The following CEP350 variants were observed in gnomAD, a reference collection of about 807,000 sequenced individuals.
CEP350 encodes the protein centrosome-associated protein 350.
In CEP350, 126 loss-of-function variants were observed where a neutral mutation model predicts 331.8. That is an observed-to-expected ratio of 0.38 (90% CI 0.33 to 0.44). The LOEUF (loss-of-function observed/expected upper bound fraction) is 0.44, where lower values mean the gene tolerates loss of function less well. Ranked by LOEUF, CEP350 falls within the 20% of genes least tolerant of loss-of-function variation. The pLI is 1.00. For missense variants in CEP350, 3,406 were observed against 3,634.6 expected (o/e 0.94, Z 1.62); for synonymous variants, 1,200 against 1,259.5 (o/e 0.95, Z 1.00).
chr1:179,991,537 C>T (rs1015525315), intron 4 of CEP350, among the ~76,000 whole-genome samples: 1 of 151,514 alleles, frequency 6.6e-6, no homozygotes, highest in Non-Finnish European at 1.5e-5. Context: ...ATCCGCCTGC[C>T]TTGGCCTCCC....
chr1:179,996,534 T>C lies in CEP350; in HGVS notation c.396-19T>C. 14 of 1,505,178 alleles carry C rather than the reference T, an allele frequency of 9.3e-6. No individual in the cohort carries two copies. Among genetic ancestry groups the C allele is most frequent in the Non-Finnish European group, 1.2e-5 (13 of 1,114,538 alleles). The allele number at this position is 1,505,178 out of a possible 1,614,324, so 93.2% of individuals were successfully genotyped here. On this transcript the variant is annotated intron_variant, in intron 5 of 37. Transcript: ENST00000367607. Reference sequence around the variant, plus strand: ...ATATTATTAATCATAGTCACAGAGCTTATTATTTTTTATTGTAGGGAAATC... The same window carrying C: ...ATATTATTAATCATAGTCACAGAGCCTATTATTTTTTATTGTAGGGAAATC...
At chr1:180,044,817 T>TA (rs1657013400) in intron 21 of CEP350, among the ~76,000 whole-genome samples, 1 of 149,178 alleles carries the variant, frequency 6.7e-6, no homozygotes, top group East Asian at 2.0e-4. Flanking sequence ...CCCTAAAACT[T>TA]AAAGTATAAT....
chr1:180,093,672 A>G lies in CEP350; in HGVS notation c.7567A>G (p.Lys2523Glu). 1 of 1,613,948 alleles carries G rather than the reference A, an allele frequency of 6.2e-7. No homozygotes were observed. The highest frequency in any genetic ancestry group is 8.5e-7 in the Non-Finnish European group (1 of 1,179,834). Residue 2523 changes from lysine to glutamate, a missense_variant, in exon 34 of 38, where the codon AAA becomes GAA. This residue lies in a region of CEP350 where 1,415 missense variants were observed against 1,512.3 expected (regional missense o/e 0.94). Coordinates refer to ENST00000367607, the MANE Select transcript of CEP350 (RefSeq NM_014810.5). ...LRFKGETSFAKGFWAGVELDK... is the reference protein window; with the variant it reads ...LRFKGETSFAEGFWAGVELDK... ...ATTCAAAGGTGAGACTAGTTTTGCTAAAGGATTTTGGGCCGGAGTGGAGTT... is the reference window on the plus strand; with the variant it reads ...ATTCAAAGGTGAGACTAGTTTTGCTGAAGGATTTTGGGCCGGAGTGGAGTT...
At chr1:179,971,175 C>T (rs1014585709) in intron 1 of CEP350, among the ~76,000 whole-genome samples, 1 of 152,004 alleles carries the variant, frequency 6.6e-6, no homozygotes, top group Admixed American at 6.5e-5. Flanking sequence ...ACTACAGGCA[C>T]ATGCCACCAC....
intron 18 of CEP350, 87 bp downstream of exon 18, chr1:180,041,335 GA>G (rs1656746969): frequency 5.4e-6 from 5 of 926,934 alleles, no homozygotes; most frequent in African/African-American, 1.7e-5. Context: ...TTATATAGGA[GA>G]AAAAAGTGTA....
rs977129635 is a variant in CEP350, at chr1:180,020,325, A to G, written c.2551A>G (p.Ile851Val). ...AGCCAAGAAATTAGCTGGGGCCAGCATTAACTATGGGTCAGCATGGAACAC... is the reference window on the plus strand; with the variant it reads ...AGCCAAGAAATTAGCTGGGGCCAGCGTTAACTATGGGTCAGCATGGAACAC... ...SEAKKLAGAS[I>V]NYGSAWNTEY... Residue 851 changes from isoleucine to valine, a missense_variant, in exon 12 of 38, where the codon ATT (isoleucine) becomes GTT (valine). Coordinates refer to ENST00000367607, the MANE Select transcript of CEP350 (RefSeq NM_014810.5). 2 of 1,613,882 alleles carry G rather than the reference A, an allele frequency of 1.2e-6. No individual in the cohort carries two copies. The highest frequency in any genetic ancestry group is 1.3e-5 in the African/African-American group (1 of 74,944).
intron 7 of CEP350, 32 bp from the exon 8 acceptor site, chr1:180,006,422 T>A: frequency 9.7e-7 from 1 of 1,030,992 alleles, no homozygotes; most frequent in Non-Finnish European, 1.5e-6. Context: ...AAAATCATTG[T>A]TATATTTGCT....
intron 5 of CEP350, among the ~76,000 whole-genome samples, chr1:179,994,423 C>T (rs1393813117): frequency 6.6e-6 from 1 of 150,856 alleles, no homozygotes; most frequent in Non-Finnish European, 1.5e-5. Context: ...ACAGCCCTAT[C>T]TCTTTCTTTT....
intron 14 of CEP350, among the ~76,000 whole-genome samples, chr1:180,029,132 A>G (rs944692944): frequency 6.6e-6 from 1 of 152,228 alleles, no homozygotes; most frequent in African/African-American, 2.4e-5. Flanking sequence ...TAGTTGGTAG[A>G]TTAAAGTGGT....
chr1:180,093,841 A>G lies in CEP350; in HGVS notation c.7736A>G (p.Asp2579Gly), dbSNP rs1219315795. Reference protein sequence around the residue: ...NFDDYVDINEDEDCYSDERYQ... With the variant: ...NFDDYVDINEGEDCYSDERYQ... ...GATGACTATGTAGACATTAATGAAGATGAAGACTGTTACTCAGATGAACGA... is the reference window on the plus strand; with the variant it reads ...GATGACTATGTAGACATTAATGAAGGTGAAGACTGTTACTCAGATGAACGA... The change falls in exon 34 of 38, where the codon GAT becomes GGT. Residue 2579 changes from aspartate to glycine, a missense_variant. Physicochemically the swap from Asp to Gly is moderately conservative, Grantham distance 94. Transcript: ENST00000367607. 1 of 1,613,820 alleles carries G rather than the reference A, an allele frequency of 6.2e-7. No individual in the cohort carries two copies. The highest frequency in any genetic ancestry group is 1.7e-5 in the Admixed American group (1 of 60,002).
At chr1:179,989,543 G>A (rs1465975888) in intron 3 of CEP350, among the ~76,000 whole-genome samples, 1 of 150,634 alleles carries the variant, frequency 6.6e-6, no homozygotes, top group South Asian at 2.1e-4. Context: ...ATGTCTATAT[G>A]TGATGGAATT....
Position 180,094,467 on chromosome 1 carries a change from C to T in CEP350, c.8362C>T (p.Leu2788Phe). ...GAAAATCCAGCTTAGCAATCAGGAGCTTCTTGGTGATGACCAAAAGAAAGT... is the reference window on the plus strand; with the variant it reads ...GAAAATCCAGCTTAGCAATCAGGAGTTTCTTGGTGATGACCAAAAGAAAGT... Reference protein sequence around the residue: ...DEKIQLSNQELLGDDQKKVTP... With the variant: ...DEKIQLSNQEFLGDDQKKVTP... The change falls in exon 34 of 38, where the codon CTT (leucine) becomes TTT (phenylalanine). Residue 2788 changes from leucine to phenylalanine, a missense_variant. Physicochemically the swap from Leu to Phe is conservative, Grantham distance 22. Transcript: ENST00000367607. The T allele has an allele frequency of 6.2e-7, 1 of 1,613,842 alleles. No individual in the cohort carries two copies. The highest frequency in any genetic ancestry group is 8.5e-7 in the Non-Finnish European group (1 of 1,179,808).
chr1:180,111,026 G>A lies in CEP350; in HGVS notation c.9219G>A (p.Gln3073=), dbSNP rs781472522. ...AGGAGCTCCATGAGGAGGAGGCACA[G>A]TGGGTGAACTATGATGAGGATGAGT... The part of the protein sequence containing the change: ...LVQELHEEEA[Q]WVNYDEDELC... The change falls in exon 38 of 38, where the codon CAG becomes CAA. Residue 3073 remains glutamine (Q), a synonymous_variant. Transcript: ENST00000367607. 37 of 1,613,874 alleles carry A rather than the reference G, an allele frequency of 2.3e-5. No individual in the cohort carries two copies. In the East Asian group the frequency reaches 7.8e-4, roughly 34 times the overall value.
chr1:179,990,771 T>C (rs1474360668), intron 4 of CEP350, 150 bp downstream of exon 4: 3 of 454,616 alleles, frequency 6.6e-6, no homozygotes, highest in African/African-American at 5.9e-5. Context: ...TGCCCCAGCT[T>C]GTCTTGAACT....
rs1217866102 is a variant in CEP350 at position 180,096,201 on chromosome 1, A to G, written c.9066+17A>G. On this transcript the variant is annotated intron_variant, in intron 36 of 37. Coordinates refer to ENST00000367607, the MANE Select transcript of CEP350 (RefSeq NM_014810.5). ...GAAATCAAGGTAAACTGCAAACTATAAAGTGTCTTCTTTTTTGACTTGCTG... is the reference window on the plus strand; with the variant it reads ...GAAATCAAGGTAAACTGCAAACTATGAAGTGTCTTCTTTTTTGACTTGCTG... 19 of 1,534,528 alleles carry G rather than the reference A, an allele frequency of 1.2e-5. No individual in the cohort carries two copies. In the Admixed American group the frequency reaches 2.6e-4, roughly 21 times the overall value.
intron 15 of CEP350, among the ~76,000 whole-genome samples, chr1:180,031,933 A>G (rs544652942): frequency 3.9e-5 from 6 of 152,170 alleles, no homozygotes; most frequent in African/African-American, 1.2e-4. Context: ...ATAAATGTCA[A>G]TTCTCATCTA....
In CEP350 at chr1:180,094,841, A is replaced by G. The variant is rs529116019; in HGVS notation, c.8511+225A>G. Among the ~76,000 whole-genome samples the G allele has an allele frequency of 8.5e-4, 130 of 152,260 alleles. 1 individual carries two copies. Among genetic ancestry groups the G allele is most frequent in the African/African-American group, 3.1e-3 (127 of 41,536 alleles). ...TCCTCTATTATGTCATGAGTAGTCA[A>G]TATAGGGTTGTCACAAGCACTGGCA... On this transcript the variant is annotated intron_variant, in intron 34 of 37. Transcript: ENST00000367607.
In CEP350 at chr1:180,111,109, T is replaced by C. The variant is rs776351094; in HGVS notation, c.9302T>C (p.Ile3101Thr). The C allele has an allele frequency of 1.2e-6, 2 of 1,614,004 alleles. No individual in the cohort carries two copies. Among genetic ancestry groups the C allele is most frequent in the South Asian group, 1.1e-5 (1 of 91,078 alleles). ...GIFETLIKDT[I>T]DVLNQISEKQ... ...TTTGAGACCCTGATCAAAGATACTA[T>C]TGATGTTCTGAATCAGATCAGTGAA... Residue 3101 changes from isoleucine to threonine, a missense_variant, in exon 38 of 38, where the codon ATT (isoleucine) becomes ACT (threonine). Physicochemically the swap from Ile to Thr is moderately conservative, Grantham distance 89. Around this residue, in one of 5 missense-constraint regions of CEP350, gnomAD observed 29 missense variants for 52.8 expected, o/e 0.55. Coordinates refer to ENST00000367607, the MANE Select transcript of CEP350 (RefSeq NM_014810.5).
chr1:179,974,272 G>C (rs1651680900), intron 1 of CEP350, among the ~76,000 whole-genome samples: 1 of 152,126 alleles, frequency 6.6e-6, no homozygotes, highest in Middle Eastern at 3.2e-3. Context: ...AGTAGAGACA[G>C]AGTTTCACCA....
Sources: gnomAD v4.1 joint callset for allele counts (sites outside exome capture counted in the v4.1 genomes callset) on GRCh38, gnomAD v4.1.1 for gene constraint, gnomAD v4.1.1 regional missense constraint, MANE v1.5 for transcripts, NCBI Gene and HGNC (gene_info 2026-07-23, HGNC 2026-07-21) for gene names.